The following CLDN14 variants were observed in gnomAD, a reference collection of about 807,000 sequenced individuals.
The protein encoded by CLDN14 is claudin-14.
CLDN14 carries 2 observed loss-of-function variants against 2.1 expected under a neutral mutation model. The ratio of observed to expected loss-of-function variants is 0.96; its 90% CI spans 0.39 to 3.01. The LOEUF is 3.01. Ranked by LOEUF, CLDN14 falls within the 30% of genes most tolerant of loss-of-function variation. The pLI is 0.09. For synonymous variants in CLDN14, 136 were observed against 154.4 expected (o/e 0.88, Z 0.88); for missense variants, 298 against 328.0 (o/e 0.91, Z 0.71).
In CLDN14 at chr21:36,498,415, ATTTTACATCTCTTG is replaced by A. The variant is rs1215447655; in HGVS notation, c.-82+11934_-82+11947del. On this transcript the variant is annotated intron_variant, in intron 2 of 2. Coordinates refer to the CLDN14 transcript ENST00000342108. This position sits in a 1 kb window ranked among gnomAD's most constrained non-coding sequence, Gnocchi z 4.9. Reference sequence around the variant, plus strand: ...TCCTGGAAGATCTATATGAACTTGTATTTTACATCTCTTGTCTGGATTTAGCTGTGAAAGACCAG... The same window carrying A: ...TCCTGGAAGATCTATATGAACTTGTATCTGGATTTAGCTGTGAAAGACCAG... 6.6e-6 allele frequency among the ~76,000 whole-genome samples: 1 copy of A among 152,192 alleles called. No homozygotes were observed. The highest frequency in any genetic ancestry group is 1.5e-5 in the Non-Finnish European group (1 of 68,040).
intron 1 of CLDN14, among the ~76,000 whole-genome samples, chr21:36,533,530 C>T (rs955552788): frequency 2.6e-5 from 4 of 152,112 alleles, no homozygotes; most frequent in Admixed American, 6.5e-5. Flanking sequence ...ATGGTGATTA[C>T]GTAGACATTG....
chr21:36,499,558 T>A lies in CLDN14; in HGVS notation c.-82+10805A>T, dbSNP rs2087073710. Among the ~76,000 whole-genome samples, 1 of 152,102 alleles carries A rather than the reference T, an allele frequency of 6.6e-6. No homozygotes were observed. Among genetic ancestry groups the A allele is most frequent in the South Asian group, 2.1e-4 (1 of 4,824 alleles). ...TTGTTGCAGGGGGCTTGTTGCAATG[T>A]CCGTACCAGGGCCCCAACCCAGACC... On this transcript the variant is annotated intron_variant, in intron 2 of 2. Coordinates refer to the CLDN14 transcript ENST00000342108. This position sits in a 1 kb window ranked among gnomAD's most constrained non-coding sequence, Gnocchi z 4.7.
At chr21:36,566,843 G>T (rs144282604) in intron 1 of CLDN14, among the ~76,000 whole-genome samples, 87 of 152,358 alleles carry the variant, frequency 5.7e-4, no homozygotes, top group African/African-American at 2.1e-3. Context: ...GGCCCTGATT[G>T]CTGGGTTCAG....
intron 1 of CLDN14, among the ~76,000 whole-genome samples, chr21:36,519,218 C>T (rs1336295090): frequency 6.6e-6 from 1 of 152,214 alleles, no homozygotes; most frequent in Admixed American, 6.5e-5. Context: ...CATTATTACG[C>T]TCTCATTGTA....
chr21:36,530,296 G>A (rs905331158), intron 1 of CLDN14, among the ~76,000 whole-genome samples: 12 of 148,842 alleles, frequency 8.1e-5, no homozygotes, highest in African/African-American at 3.0e-4. Context: ...CGGGGATGGG[G>A]ACAGTGGCGG....
upstream of CLDN14, among the ~76,000 whole-genome samples, chr21:36,483,128 C>T (rs974304445): frequency 1.3e-5 from 2 of 152,212 alleles, no homozygotes; most frequent in Admixed American, 1.3e-4. Flanking sequence ...CACTACGCTG[C>T]CTCATGTTAC....
chr21:36,517,861 G>T (rs2087240148), intron 1 of CLDN14, among the ~76,000 whole-genome samples: 1 of 152,084 alleles, frequency 6.6e-6, no homozygotes, highest in East Asian at 1.9e-4. Context: ...CCCTAATGTG[G>T]GTGGGGCTCA....
Position 36,460,761 on chromosome 21 carries a change from A to ATTTTTTTTTTTT in CLDN14, c.*214_*215insAAAAAAAAAAAA. The ATTTTTTTTTTTT allele has an allele frequency of 1.9e-6, 1 of 530,194 alleles. No individual in the cohort carries two copies. Among genetic ancestry groups the ATTTTTTTTTTTT allele is most frequent in the Non-Finnish European group, 3.3e-6 (1 of 299,248 alleles). The allele number at this position is 530,194 out of a possible 1,614,324, so 32.8% of individuals were successfully genotyped here. On this transcript the variant is annotated 3_prime_UTR_variant, in exon 2 of 2. Transcript: ENST00000399135. This position sits in a 1 kb window ranked among gnomAD's most constrained non-coding sequence, Gnocchi z 4.0. ...TATAATAAATACAAAAACAGACAGG[A>ATTTTTTTTTTTT]TTTTTTTTTTCAGTCTTTGGTATAG...
intron 1 of CLDN14, among the ~76,000 whole-genome samples, chr21:36,559,092 T>C (rs2087616877): frequency 6.6e-6 from 1 of 152,196 alleles, no homozygotes; most frequent in South Asian, 2.1e-4. Context: ...AGTTTTTTAC[T>C]GTTGAGTATG....
intron 1 of CLDN14, among the ~76,000 whole-genome samples, chr21:36,525,421 G>T (rs2087317171): frequency 6.6e-6 from 1 of 152,034 alleles, no homozygotes; most frequent in African/African-American, 2.4e-5. Flanking sequence ...CTTGAAGCTG[G>T]CAGCGAGGAG....
rs2087511495 is a variant in CLDN14 at position 36,544,143 on chromosome 21, A to G, written c.-220+32268T>C. On this transcript the variant is annotated intron_variant, in intron 1 of 2. Coordinates refer to the CLDN14 transcript ENST00000342108. The surrounding 1 kb of genome is among the most constrained non-coding windows in gnomAD (Gnocchi z 4.1). The stretch of plus-strand genomic sequence containing the variant: ...GCCACACCAGCCCTTGGCTCCCTCC[A>G]ACCCAGGTTTCCATTACCATGGTGC... Among the ~76,000 whole-genome samples the G allele has an allele frequency of 6.6e-6, 1 of 152,198 alleles. No homozygotes were observed. The highest frequency in any genetic ancestry group is 2.4e-5 in the African/African-American group (1 of 41,448).
intron 2 of CLDN14, chr21:36,486,615 T>C: frequency 6.5e-7 from 1 of 1,541,600 alleles, no homozygotes; most frequent in South Asian, 1.1e-5. Context: ...CTTCCATCTT[T>C]GCCATTCAAC....
Position 36,518,909 on chromosome 21 carries a change from C to T in CLDN14, c.-219-8409G>A, listed in dbSNP as rs182972519. On this transcript the variant is annotated intron_variant, in intron 1 of 2. Transcript: ENST00000342108. ...CAGGAGATCATAACTCCAACTAATG[C>T]AACCTCCCCGCTAGTAAAACCTATT... 8.5e-4 allele frequency among the ~76,000 whole-genome samples: 130 copies of T among 152,322 alleles called. 1 individual carries two copies. The Middle Eastern group carries it at 0.014, about 16-fold the overall frequency.
At chr21:36,531,940 C>T (rs541382637) in intron 1 of CLDN14, 3 of 152,090 alleles carry the variant, frequency 2.0e-5, no homozygotes, top group African/African-American at 4.8e-5. Flanking sequence ...AATGGGGAAC[C>T]GTGGGTTTCT....
At chr21:36,556,709 A>T (rs2087601355) in intron 1 of CLDN14, among the ~76,000 whole-genome samples, 1 of 152,202 alleles carries the variant, frequency 6.6e-6, no homozygotes, top group African/African-American at 2.4e-5. Flanking sequence ...CTTCTTGAAA[A>T]GTCTCAACCA....
chr21:36,552,282 G>A (rs998146049), intron 1 of CLDN14, among the ~76,000 whole-genome samples: 2 of 152,216 alleles, frequency 1.3e-5, no homozygotes, highest in Non-Finnish European at 2.9e-5. Flanking sequence ...GAAATAAAAT[G>A]AGAATGGTTC....
intron 1 of CLDN14, among the ~76,000 whole-genome samples, chr21:36,464,198 C>T (rs117634720): frequency 6.6e-6 from 1 of 152,216 alleles, no homozygotes; most frequent in East Asian, 1.9e-4. Context: ...CTTCTCCGGC[C>T]GTGTCATGCC....
intron 1 of CLDN14, among the ~76,000 whole-genome samples, chr21:36,519,802 G>T (rs1298347528): frequency 1.3e-5 from 2 of 152,158 alleles, no homozygotes; most frequent in Non-Finnish European, 1.5e-5. Context: ...CAGAGCAGGG[G>T]ACATGCCACT....
chr21:36,485,954 G>A (rs1326239488), intron 2 of CLDN14: 8 of 1,331,252 alleles, frequency 6.0e-6, no homozygotes, highest in African/African-American at 1.5e-5. Context: ...AGTCCCCTGA[G>A]CAGGCTCAGC....
Sources: gnomAD v4.1 joint callset for allele counts (sites outside exome capture counted in the v4.1 genomes callset) on GRCh38, gnomAD v4.1.1 for gene constraint, Gnocchi (gnomAD v3.1) non-coding constraint, MANE v1.5 for transcripts, NCBI Gene and HGNC (gene_info 2026-07-23, HGNC 2026-07-21) for gene names.